The following CNBD1 variants were observed in gnomAD, a reference collection of about 807,000 sequenced individuals.
The protein encoded by CNBD1 is cyclic nucleotide binding domain containing 1.
Under a neutral mutation model 54.4 loss-of-function variants are expected in CNBD1, and 71 were observed. That is an observed-to-expected ratio of 1.30 (90% confidence interval 1.08 to 1.59). CNBD1 has a LOEUF of 1.59. CNBD1 is among the 40% of genes most tolerant of loss of function. The pLI is 0.00. For synonymous variants in CNBD1, 182 were observed against 170.7 expected (o/e 1.07, Z -0.51); for missense variants, 659 against 518.0 (o/e 1.27, Z -2.64).
At chr8:86,960,606 G>A (rs1165161698) in intron 4 of CNBD1, among the ~76,000 whole-genome samples, 2 of 152,154 alleles carry the variant, frequency 1.3e-5, no homozygotes, top group African/African-American at 2.4e-5. Flanking sequence ...AGACTTAAAC[G>A]TCCCTGTCTG....
intron 4 of CNBD1, among the ~76,000 whole-genome samples, chr8:87,176,077 G>C (rs770732232): frequency 6.6e-6 from 1 of 152,224 alleles, no homozygotes; most frequent in Non-Finnish European, 1.5e-5. Flanking sequence ...CGTGACCGCT[G>C]CAGGGGCAGG....
intron 5 of CNBD1, among the ~76,000 whole-genome samples, chr8:87,223,862 T>A (rs1419313500): frequency 1.3e-5 from 2 of 152,134 alleles, no homozygotes; most frequent in African/African-American, 4.8e-5. Context: ...CCACCAACAG[T>A]GTAAAAGTGT....
intron 4 of CNBD1, among the ~76,000 whole-genome samples, chr8:87,169,033 T>C (rs1813029745): frequency 6.6e-6 from 1 of 152,082 alleles, no homozygotes; most frequent in African/African-American, 2.4e-5. Context: ...TTGTACTACT[T>C]TACATTCCCA....
chr8:87,156,359 C>G (rs890930337), intron 4 of CNBD1, among the ~76,000 whole-genome samples: 3 of 149,174 alleles, frequency 2.0e-5, no homozygotes, highest in Non-Finnish European at 4.4e-5. Flanking sequence ...ATTCTCGTGC[C>G]TCAGCCTTCC....
intron 4 of CNBD1, among the ~76,000 whole-genome samples, chr8:87,097,104 A>G (rs761806609): frequency 2.0e-5 from 3 of 152,198 alleles, no homozygotes; most frequent in East Asian, 1.9e-4. Context: ...GGTTTATTCA[A>G]CCTTTTAGGG....
intron 6 of CNBD1, among the ~76,000 whole-genome samples, chr8:87,255,493 C>A (rs1563525744): frequency 6.6e-6 from 1 of 151,760 alleles, no homozygotes; most frequent in Non-Finnish European, 1.5e-5. Context: ...TTAACATATA[C>A]CTGCCATTTA....
At chr8:87,117,475 C>T (rs970559191) in intron 4 of CNBD1, among the ~76,000 whole-genome samples, 20 of 150,850 alleles carry the variant, frequency 1.3e-4, no homozygotes, top group Non-Finnish European at 1.3e-4. Flanking sequence ...TGATGAGAGA[C>T]ACTTACTAGT....
At chr8:87,081,909 A>G (rs1803657459) in intron 4 of CNBD1, among the ~76,000 whole-genome samples, 1 of 152,188 alleles carries the variant, frequency 6.6e-6, no homozygotes. Flanking sequence ...TACTTAGATT[A>G]TTGATAGAGG....
At chr8:87,217,028 G>A (rs1315726951) in intron 5 of CNBD1, among the ~76,000 whole-genome samples, 1 of 152,104 alleles carries the variant, frequency 6.6e-6, no homozygotes, top group Non-Finnish European at 1.5e-5. Flanking sequence ...GGCTCTTGAT[G>A]TAATATGTCC....
At chr8:86,942,372 T>C (rs1015028574) in intron 4 of CNBD1, among the ~76,000 whole-genome samples, 15 of 152,210 alleles carry the variant, frequency 9.9e-5, no homozygotes, top group African/African-American at 3.4e-4. Flanking sequence ...TCTGGTCCTC[T>C]GCTCAGTGTC....
chr8:87,141,230 T>C (rs1812363672), intron 4 of CNBD1, among the ~76,000 whole-genome samples: 1 of 152,034 alleles, frequency 6.6e-6, no homozygotes, highest in Non-Finnish European at 1.5e-5. Flanking sequence ...TCTTATAAAA[T>C]CCTACGGTGA....
intron 8 of CNBD1, among the ~76,000 whole-genome samples, chr8:87,321,350 T>C (rs1195881439): frequency 6.6e-6 from 1 of 152,192 alleles, no homozygotes; most frequent in Non-Finnish European, 1.5e-5. Flanking sequence ...AGTTTTCTGG[T>C]TTGTGTTTGT....
intron 8 of CNBD1, among the ~76,000 whole-genome samples, chr8:87,291,216 T>C (rs1347001452): frequency 6.6e-6 from 1 of 152,194 alleles, no homozygotes; most frequent in Non-Finnish European, 1.5e-5. Flanking sequence ...TTTTTGTTCA[T>C]GTTTCTGCCA....
intron 3 of CNBD1, among the ~76,000 whole-genome samples, chr8:86,918,157 T>A (rs1809216680): frequency 6.6e-6 from 1 of 152,160 alleles, no homozygotes; most frequent in African/African-American, 2.4e-5. Context: ...CTTTAAAACA[T>A]GCAATCCTAA....
chr8:86,874,043 G>C (rs539189246), intron 1 of CNBD1, among the ~76,000 whole-genome samples: 5 of 152,116 alleles, frequency 3.3e-5, no homozygotes, highest in African/African-American at 4.8e-5. Flanking sequence ...GTCCTTTCTA[G>C]TAAAACAATC....
chr8:87,239,486 C>A (rs1446658756), intron 6 of CNBD1, among the ~76,000 whole-genome samples: 1 of 152,106 alleles, frequency 6.6e-6, no homozygotes, highest in East Asian at 1.9e-4. Context: ...CTATATTTTT[C>A]TTTCTCCCTT....
chr8:87,065,450 T>C (rs1810629104), intron 4 of CNBD1, among the ~76,000 whole-genome samples: 1 of 151,978 alleles, frequency 6.6e-6, no homozygotes, highest in South Asian at 2.1e-4. Context: ...GATTTCTTAA[T>C]ACAGTTTAAG....
intron 5 of CNBD1, among the ~76,000 whole-genome samples, chr8:87,235,975 A>G (rs753499483): frequency 1.3e-5 from 2 of 152,132 alleles, no homozygotes; most frequent in Non-Finnish European, 2.9e-5. Context: ...GTCACTGTGT[A>G]TGAATTGTGA....
chr8:87,098,429 T>C (rs1231746732), intron 4 of CNBD1, among the ~76,000 whole-genome samples: 1 of 152,168 alleles, frequency 6.6e-6, no homozygotes, highest in African/African-American at 2.4e-5. Flanking sequence ...ATGTGACAAG[T>C]TCTATGATGT....
Sources: gnomAD v4.1 joint callset for allele counts (sites outside exome capture counted in the v4.1 genomes callset) on GRCh38, gnomAD v4.1.1 for gene constraint, MANE v1.5 for transcripts, NCBI Gene and HGNC (gene_info 2026-07-23, HGNC 2026-07-21) for gene names.